PCNT: variants seen among roughly 807,000 people sequenced by gnomAD.
PCNT encodes pericentrin, also known as kendrin.
PCNT carries 319 observed loss-of-function variants against 380.4 expected under a neutral mutation model. That is an observed-to-expected ratio of 0.84 (90% CI 0.77 to 0.92). PCNT has a LOEUF of 0.92. PCNT is among the 40% of genes least tolerant of loss of function. The probability of loss-of-function intolerance (pLI) is 0.00; values close to 1 mark genes in which losing one functional copy is unlikely to be tolerated. For synonymous variants in PCNT, 1,845 were observed against 1,735.2 expected (o/e 1.06, Z -1.57); for missense variants, 4,400 against 4,255.3 (o/e 1.03, Z -0.95).
intron 21 of PCNT, 42 bp downstream of exon 21, chr21:46,391,418 C>A: frequency 6.8e-7 from 1 of 1,477,192 alleles, no homozygotes. Flanking sequence ...AGCTGTGGGG[C>A]GCGGATACAG....
intron 13 of PCNT, among the ~76,000 whole-genome samples, chr21:46,357,930 T>A (rs1336043499): frequency 6.6e-6 from 1 of 152,212 alleles, no homozygotes; most frequent in Non-Finnish European, 1.5e-5. Flanking sequence ...CCTTTGCGAG[T>A]GTGAGGACAC....
rs530568761 is a variant in PCNT at position 46,432,284 on chromosome 21, C to T, written c.8751+69C>T. 39 of 1,442,302 alleles carry T rather than the reference C, an allele frequency of 2.7e-5. No homozygotes were observed. The East Asian group carries it at 5.2e-4, about 19-fold the overall frequency. 89.3% of individuals were successfully genotyped at this position (1,442,302 alleles called of 1,614,324 possible). ...AAGCAATTGGAGTTAGGATGGTTCA[C>T]GTGGGGGACGCGAGATTTATGTCTG... On this transcript the variant is annotated intron_variant, in intron 38 of 46. Transcript: ENST00000359568.
At chr21:46,408,722 T>G (rs1442055537) in intron 27 of PCNT, among the ~76,000 whole-genome samples, 1 of 145,296 alleles carries the variant, frequency 6.9e-6, no homozygotes, top group Non-Finnish European at 1.5e-5. Context: ...TCAGAAAGTT[T>G]TTTTTTTTTT....
At chr21:46,439,750 G>T (rs765347718) in intron 41 of PCNT, among the ~76,000 whole-genome samples, 1 of 152,208 alleles carries the variant, frequency 6.6e-6, no homozygotes, top group African/African-American at 2.4e-5. Context: ...TAGGACCGGA[G>T]AATATGAGAG....
In PCNT at chr21:46,421,978, T is replaced by TCGGG; in HGVS notation, c.7034_7037dup (p.Phe2347GlyfsTer14). 2 of 1,614,040 alleles carry TCGGG rather than the reference T, an allele frequency of 1.2e-6. No homozygotes were observed. Among genetic ancestry groups the TCGGG allele is most frequent in the South Asian group, 2.2e-5 (2 of 91,086 alleles). On this transcript the variant is annotated frameshift_variant, in exon 32 of 47. Transcript: ENST00000359568. LOFTEE classifies it high-confidence loss of function. ...CCCTGTGGTGTTTTTAGGTGACGGC[T>TCGGG]CGGGTTTTGGAGCAAGACTGAGCCC... is the stretch of plus-strand genomic sequence containing the variant.
Position 46,425,268 on chromosome 21 carries a change from C to T in PCNT, c.7180-563C>T, listed in dbSNP as rs113149896. On this transcript the variant is annotated intron_variant, in intron 32 of 46. Coordinates refer to ENST00000359568, the MANE Select transcript of PCNT (RefSeq NM_006031.6). The surrounding 1 kb of genome is among the most constrained non-coding windows in gnomAD (Gnocchi z 4.2). ...AATCGGTGGGATAAAGCAGCCGCCT[C>T]GTGTTCACAGACCTGTGGGCAGGGC... Among the ~76,000 whole-genome samples, 69 of 152,292 alleles carry T rather than the reference C, an allele frequency of 4.5e-4. 2 individuals are homozygous for T. Among genetic ancestry groups the T allele is most frequent in the African/African-American group, 1.2e-3 (48 of 41,556 alleles).
At chr21:46,432,248 C>G (rs1011656769) in intron 38 of PCNT, 33 bp downstream of exon 38, 69 of 1,573,324 alleles carry the variant, frequency 4.4e-5, no homozygotes, top group Non-Finnish European at 5.1e-5. Flanking sequence ...GCGTCCACAC[C>G]TAAAAACGAT....
rs61735804 is a variant in PCNT, at chr21:46,366,684, C to T, written c.2710C>T (p.Leu904Phe). The T allele has an allele frequency of 4.2e-5, 67 of 1,613,760 alleles. No homozygotes were observed. The highest frequency in any genetic ancestry group is 5.5e-5 in the Non-Finnish European group (65 of 1,180,036). The part of the protein sequence containing the change: ...QEQHARELQL[L>F]QERHQQQLLS... ...GCAGCATGCCCGTGAGCTGCAGCTCCTCCAGGAGAGACACCAGCAGCAGCT... is the reference window on the plus strand; with the variant it reads ...GCAGCATGCCCGTGAGCTGCAGCTCTTCCAGGAGAGACACCAGCAGCAGCT... The change falls in exon 15 of 47, where the codon CTC becomes TTC. Residue 904 changes from leucine to phenylalanine, a missense_variant. Physicochemically the swap from Leu to Phe is conservative, Grantham distance 22. Transcript: ENST00000359568.
At chr21:46,341,786 C>G (rs912036254) in intron 3 of PCNT, among the ~76,000 whole-genome samples, 2 of 152,066 alleles carry the variant, frequency 1.3e-5, no homozygotes, top group Non-Finnish European at 2.9e-5. Flanking sequence ...CTCAAGCAGT[C>G]TTTCTACTCA....
At chr21:46,427,004 G>A (rs1419923056) in intron 33 of PCNT, among the ~76,000 whole-genome samples, 1 of 152,134 alleles carries the variant, frequency 6.6e-6, no homozygotes, top group African/African-American at 2.4e-5. Context: ...TTGTGTGCGA[G>A]CGGCAGCCTG....
At chr21:46,372,398 A>G (rs2085182184) in intron 15 of PCNT, among the ~76,000 whole-genome samples, 1 of 151,900 alleles carries the variant, frequency 6.6e-6, no homozygotes, top group Non-Finnish European at 1.5e-5. Flanking sequence ...CACGCAGCAC[A>G]TGCACACATA....
At chr21:46,379,429 G>A (rs1485332933) in intron 15 of PCNT, among the ~76,000 whole-genome samples, 1 of 152,236 alleles carries the variant, frequency 6.6e-6, no homozygotes, top group African/African-American at 2.4e-5. Context: ...GATGGGTGAA[G>A]TGTGGGTCTC....
chr21:46,434,021 C>T (rs1473389879), intron 38 of PCNT, among the ~76,000 whole-genome samples: 1 of 152,164 alleles, frequency 6.6e-6, no homozygotes, highest in African/African-American at 2.4e-5. Flanking sequence ...GTGATTGATC[C>T]GCCCACCTTG....
At chr21:46,383,409 T>C (rs1275516147) in intron 16 of PCNT, among the ~76,000 whole-genome samples, 1 of 144,586 alleles carries the variant, frequency 6.9e-6, no homozygotes, top group Non-Finnish European at 1.5e-5. Context: ...GCATTCACGG[T>C]GTTGTGCATT....
chr21:46,437,747 G>A (rs1480452811), intron 40 of PCNT, among the ~76,000 whole-genome samples: 5 of 152,128 alleles, frequency 3.3e-5, no homozygotes, highest in South Asian at 2.1e-4. Flanking sequence ...GCTGAACGTC[G>A]TTGTGGGTGG....
chr21:46,388,755 G>C lies in PCNT; in HGVS notation c.3478G>C (p.Asp1160His). The change falls in exon 18 of 47, where the codon GAC (aspartate) becomes CAC (histidine). Residue 1160 changes from aspartate to histidine, a missense_variant. Asp to His is a moderately conservative substitution (Grantham distance 81). Coordinates refer to ENST00000359568, the MANE Select transcript of PCNT (RefSeq NM_006031.6). The surrounding 1 kb of genome is among the most constrained non-coding windows in gnomAD (Gnocchi z 4.2). ...CTCCTGTCTCAGAGGGGCCCTCCAG[G>C]ACGCCCTGCGCAGGCTGCTGGGTTT... ...LSHSERGALQDALRRLLGLFG... is the reference protein window; with the variant it reads ...LSHSERGALQHALRRLLGLFG... 1.2e-6 allele frequency: 2 copies of C among 1,613,884 alleles called. No homozygotes were observed. Among genetic ancestry groups the C allele is most frequent in the Non-Finnish European group, 8.5e-7 (1 of 1,179,990 alleles).
At chr21:46,359,494 T>G (rs1380007566) in intron 13 of PCNT, among the ~76,000 whole-genome samples, 3 of 113,148 alleles carry the variant, frequency 2.7e-5, no homozygotes, top group East Asian at 2.2e-4. Flanking sequence ...TTTTTTTGTT[T>G]TTTTTTTTTT....
intron 27 of PCNT, among the ~76,000 whole-genome samples, chr21:46,409,127 TC>T (rs2086704938): frequency 6.6e-6 from 1 of 151,966 alleles, no homozygotes; most frequent in Admixed American, 6.6e-5. Flanking sequence ...AGGTATTTTC[TC>T]CCAATGTATG....
chr21:46,359,483 T>G lies in PCNT; in HGVS notation c.2154+2292T>G, dbSNP rs867673049. The stretch of plus-strand genomic sequence containing the variant: ...TATTCTGTCCAAAAATACACCTGTT[T>G]TTTTTTTGTTTTTTTTTTTTTTTTG... On this transcript the variant is annotated intron_variant, in intron 13 of 46. Transcript: ENST00000359568. Among the ~76,000 whole-genome samples, 4 of 80,246 alleles carry G rather than the reference T, an allele frequency of 5.0e-5. 1 individual carries two copies. Among genetic ancestry groups the G allele is most frequent in the South Asian group, 3.6e-4 (1 of 2,746 alleles). The allele number at this position is 80,246 out of a possible 152,430, so 52.6% of individuals were successfully genotyped here.
Sources: allele counts gnomAD v4.1 joint callset (sites outside exome capture counted in the v4.1 genomes callset), GRCh38; gene constraint gnomAD v4.1.1; non-coding constraint Gnocchi (gnomAD v3.1); transcripts MANE v1.5; gene names NCBI Gene and HGNC (gene_info 2026-07-23, HGNC 2026-07-21).